Variants in PI4K2B observed in about 807,000 individuals in gnomAD.
PI4K2B encodes phosphatidylinositol 4-kinase type 2 beta.
Under a neutral mutation model 56.6 loss-of-function variants are expected in PI4K2B, and 46 were observed. That is an observed-to-expected ratio of 0.81 (90% confidence interval 0.64 to 1.04). PI4K2B has a LOEUF of 1.04. PI4K2B is among the 50% of genes least tolerant of loss of function. The pLI, the probability that PI4K2B is intolerant of heterozygous loss-of-function variation, is 0.00. For missense variants in PI4K2B, 556 were observed against 607.7 expected (o/e 0.91, Z 0.89); for synonymous variants, 211 against 223.8 (o/e 0.94, Z 0.51).
intron 3 of PI4K2B, among the ~76,000 whole-genome samples, chr4:25,255,583 A>C (rs1716234293): frequency 6.6e-6 from 1 of 152,232 alleles, no homozygotes; most frequent in South Asian, 2.1e-4. Flanking sequence ...GTGCTTAAAG[A>C]CTTGTATTGT....
chr4:25,260,641 T>TAC (rs746438409), intron 6 of PI4K2B, 50 bp downstream of exon 6: 847 of 69,244 alleles, frequency 0.012, 1 homozygote, highest in South Asian at 0.029. Flanking sequence ...TATATATATA[T>TAC]ACACACACAC....
At chr4:25,269,342 A>G (rs1199988663) in intron 9 of PI4K2B, 139 bp downstream of exon 9, 7 of 577,336 alleles carry the variant, frequency 1.2e-5, no homozygotes, top group Non-Finnish European at 2.2e-5. Flanking sequence ...ATTATTAGAA[A>G]TGAAGTTGAT....
intron 7 of PI4K2B, among the ~76,000 whole-genome samples, chr4:25,266,587 T>A (rs112718747): frequency 0.013 from 1,926 of 152,352 alleles, 41 homozygotes; most frequent in African/African-American, 0.043. Flanking sequence ...TCCATTTTAT[T>A]ATTTTCTCCT....
intron 2 of PI4K2B, among the ~76,000 whole-genome samples, chr4:25,252,700 C>T (rs1459827689): frequency 1.3e-5 from 2 of 152,134 alleles, no homozygotes; most frequent in African/African-American, 4.8e-5. Flanking sequence ...GTAACCTTGA[C>T]CACCTGGGCT....
At chr4:25,242,640 G>T (rs1271496334) in intron 1 of PI4K2B, among the ~76,000 whole-genome samples, 4 of 152,196 alleles carry the variant, frequency 2.6e-5, no homozygotes, top group African/African-American at 9.7e-5. Flanking sequence ...CCAGAATTGG[G>T]GTGTTGCAGG....
intron 1 of PI4K2B, among the ~76,000 whole-genome samples, chr4:25,236,032 ATAGAG>A (rs901694748): frequency 1.1e-4 from 16 of 152,054 alleles, no homozygotes; most frequent in Admixed American, 2.6e-4. Flanking sequence ...CAAAGTGAGG[ATAGAG>A]TATAGTGTTA....
At chr4:25,268,325 G>A in intron 7 of PI4K2B, 118 bp from the exon 8 acceptor site, 1 of 798,056 alleles carries the variant, frequency 1.3e-6, no homozygotes, top group Non-Finnish European at 2.0e-6. Context: ...CTCTGATTAA[G>A]TTCTTATCCT....
Position 25,234,364 on chromosome 4 carries a change from G to GC in PI4K2B, c.204dup (p.Gly69ArgfsTer35). 1.4e-6 allele frequency: 2 copies of GC among 1,408,296 alleles called. No homozygotes were observed. The highest frequency in any genetic ancestry group is 1.9e-6 in the Non-Finnish European group (2 of 1,080,114). 87.2% of individuals were successfully genotyped at this position (1,408,296 alleles called of 1,614,324 possible). A position where few individuals can be genotyped will look rare whatever the true frequency, so the allele number is the denominator to read the frequency against. On this transcript the variant is annotated frameshift_variant, in exon 1 of 10. Coordinates refer to ENST00000264864, the MANE Select transcript of PI4K2B (RefSeq NM_018323.4). LOFTEE classifies it high-confidence loss of function. ...CCGGCGACGAGGAGCTGCCCCTCCC[G>GC]CCCGGGGACGTGGGGGTCTCCCGGA...
At chr4:25,254,356 A>T (rs1191824819) in intron 2 of PI4K2B, 2 of 822,468 alleles carry the variant, frequency 2.4e-6, no homozygotes, top group African/African-American at 3.7e-5. Context: ...ATAGTGAATA[A>T]TAACACTGTT....
chr4:25,248,284 G>A (rs1577681802), intron 1 of PI4K2B, among the ~76,000 whole-genome samples: 1 of 152,200 alleles, frequency 6.6e-6, no homozygotes, highest in Non-Finnish European at 1.5e-5. Flanking sequence ...ACCCTTAGGT[G>A]TGGTAAAGGC....
At chr4:25,237,496 T>C (rs1715316908) in intron 1 of PI4K2B, among the ~76,000 whole-genome samples, 1 of 152,176 alleles carries the variant, frequency 6.6e-6, no homozygotes, top group African/African-American at 2.4e-5. Context: ...TGCCTCACCC[T>C]CCCAAGTAGC....
At chr4:25,260,688 T>C (rs566442626) in intron 6 of PI4K2B, 97 bp downstream of exon 6, 45 of 282,352 alleles carry the variant, frequency 1.6e-4, no homozygotes, top group Non-Finnish European at 2.8e-4. Context: ...GTGTATATAA[T>C]TGTGTATAAC....
chr4:25,264,844 C>A (rs1341280414), intron 7 of PI4K2B, among the ~76,000 whole-genome samples: 4 of 151,850 alleles, frequency 2.6e-5, no homozygotes, highest in Non-Finnish European at 5.9e-5. Flanking sequence ...GTACTCCAGC[C>A]TGGGTGACAA....
intron 1 of PI4K2B, among the ~76,000 whole-genome samples, chr4:25,248,802 T>C (rs1436409358): frequency 6.6e-6 from 1 of 152,126 alleles, no homozygotes; most frequent in Admixed American, 6.5e-5. Context: ...CTTTTATTTT[T>C]ATTTTTATTT....
At position 25,234,332 on chromosome 4, in the gene PI4K2B, G is replaced by T; in HGVS notation, c.169G>T (p.Gly57Cys). The change falls in exon 1 of 10, where the codon GGC becomes TGC. Residue 57 changes from glycine (G) to cysteine (C), a missense_variant. Coordinates refer to ENST00000264864, the MANE Select transcript of PI4K2B (RefSeq NM_018323.4). ...VRLLDAAGEE[G>C]EAGDEELPLP... ...GCTGCTGGACGCTGCCGGGGAGGAG[G>T]GCGAGGCCGGCGACGAGGAGCTGCC... The T allele has an allele frequency of 7.1e-7, 1 of 1,409,728 alleles. No individual in the cohort carries two copies. The allele number at this position is 1,409,728 out of a possible 1,614,324, so 87.3% of individuals were successfully genotyped here. A position where few individuals can be genotyped will look rare whatever the true frequency, so the allele number is the denominator to read the frequency against.
intron 7 of PI4K2B, among the ~76,000 whole-genome samples, chr4:25,265,945 C>T (rs1716649099): frequency 6.6e-6 from 1 of 151,184 alleles, no homozygotes; most frequent in Admixed American, 6.6e-5. Flanking sequence ...GTGATTTTGT[C>T]AGTTTTTTCT....
In PI4K2B at chr4:25,256,598, C is replaced by G; in HGVS notation, c.680C>G (p.Ser227Ter). The change falls in exon 4 of 10, where the codon TCA becomes TGA. Residue 227 changes from serine to a stop codon, truncating the protein, a stop_gained. Transcript: ENST00000264864. LOFTEE classifies it high-confidence loss of function. ...FNYNAIDRAK[S>*]RGKKYALEKV... The stretch of plus-strand genomic sequence containing the variant: ...TATAATGCGATTGACCGTGCAAAAT[C>G]AAGAGGCAAAAAGTATGCTTTAGAA... The G allele has an allele frequency of 6.2e-7, 1 of 1,613,658 alleles. No individual in the cohort carries two copies. The highest frequency in any genetic ancestry group is 8.5e-7 in the Non-Finnish European group (1 of 1,179,770).
chr4:25,246,887 C>A (rs976332939), intron 1 of PI4K2B, among the ~76,000 whole-genome samples: 4 of 152,318 alleles, frequency 2.6e-5, no homozygotes, highest in Non-Finnish European at 2.9e-5. Context: ...TGGGGCCTGG[C>A]GGGGCAGGCC....
chr4:25,269,125 T>C lies in PI4K2B; in HGVS notation c.1213-19T>C. ...CAAAGTCTTTATTTTGGGAATTGTT[T>C]TTTTCCTTTCTATAATAGACTGACA... is the stretch of plus-strand genomic sequence containing the variant. On this transcript the variant is annotated intron_variant, in intron 8 of 9. Transcript: ENST00000264864. 6.8e-7 allele frequency: 1 copy of C among 1,466,966 alleles called. No individual in the cohort carries two copies. Among genetic ancestry groups the C allele is most frequent in the East Asian group, 2.3e-5 (1 of 43,760 alleles). The allele number at this position is 1,466,966 out of a possible 1,614,324, so 90.9% of individuals were successfully genotyped here.
Sources: allele counts gnomAD v4.1 joint callset (sites outside exome capture counted in the v4.1 genomes callset), GRCh38; gene constraint gnomAD v4.1.1; transcripts MANE v1.5; gene names NCBI Gene and HGNC (gene_info 2026-07-23, HGNC 2026-07-21).